UBN2: variants seen among roughly 807,000 people sequenced by gnomAD.
The protein encoded by UBN2 is ubinuclein 2.
Under a neutral mutation model 120.2 loss-of-function variants are expected in UBN2, and 35 were observed. The ratio of observed to expected loss-of-function variants is 0.29; its 90% CI spans 0.22 to 0.39. The LOEUF is 0.39. Among genes scored for constraint, UBN2 ranks in the 10% least tolerant of loss-of-function variants. The pLI, the probability that UBN2 is intolerant of heterozygous loss-of-function variation, is 1.00. For missense variants in UBN2, 1,693 were observed against 1,663.2 expected, an observed-to-expected ratio of 1.02 and a Z score of -0.31; for synonymous variants, 661 against 648.7, an observed-to-expected ratio of 1.02 and a Z score of -0.29.
At chr7:139,237,151 T>TAATAAAC in intron 2 of UBN2, 54 bp downstream of exon 2, 2 of 1,348,322 alleles carry the variant, frequency 1.5e-6, no homozygotes, top group Non-Finnish European at 2.1e-6. Flanking sequence ...ACCTGTTTGC[T>TAATAAAC]TTCTGTGGCT....
chr7:139,284,780 T>A (rs1255941778), intron 15 of UBN2, among the ~76,000 whole-genome samples: 1 of 152,172 alleles, frequency 6.6e-6, no homozygotes, highest in Non-Finnish European at 1.5e-5. Flanking sequence ...ATGGATTTTT[T>A]TTTTTTAAGT....
chr7:139,246,534 T>A (rs750122991), intron 2 of UBN2, among the ~76,000 whole-genome samples: 10 of 152,242 alleles, frequency 6.6e-5, no homozygotes, highest in Non-Finnish European at 1.0e-4. Context: ...GCAGAAATTA[T>A]GAGAGACTTT....
At chr7:139,309,938 A>G (rs1365315183), downstream of UBN2, among the ~76,000 whole-genome samples, 1 of 152,230 alleles carries the variant, frequency 6.6e-6, no homozygotes, top group Non-Finnish European at 1.5e-5. Flanking sequence ...GAGTGGTGGT[A>G]TCAGTACTTT....
In UBN2 at chr7:139,231,658, C is replaced by T. The variant is rs548466365; in HGVS notation, c.174C>T (p.Ala58=). The T allele has an allele frequency of 2.2e-5, 26 of 1,201,540 alleles. No homozygotes were observed. In the South Asian group the frequency reaches 8.4e-4, roughly 39 times the overall value. The allele number at this position is 1,201,540 out of a possible 1,614,324, so 74.4% of individuals were successfully genotyped here. A position where few individuals can be genotyped will look rare whatever the true frequency, so the allele number is the denominator to read the frequency against. The change falls in exon 1 of 18, where the codon GCC becomes GCT. Residue 58 remains alanine (A), a synonymous_variant. Coordinates refer to ENST00000473989, the MANE Select transcript of UBN2 (RefSeq NM_173569.4). The stretch of plus-strand genomic sequence containing the variant: ...AGCCGCCGGCCCCGCGGGAGCCTGC[C>T]CCCCGCTCGGACGCGCAGCCCCCGT... ...RAEPPAPREP[A]PRSDAQPPSR... is the part of the protein sequence containing the mutation.
chr7:139,278,319 C>A (rs766380126), intron 12 of UBN2, among the ~76,000 whole-genome samples: 1 of 151,770 alleles, frequency 6.6e-6, no homozygotes, highest in Non-Finnish European at 1.5e-5. Flanking sequence ...GTAGCTGGGA[C>A]TACAGGCGTG....
chr7:139,262,234 G>T (rs1349490539), intron 6 of UBN2, among the ~76,000 whole-genome samples: 1 of 151,592 alleles, frequency 6.6e-6, no homozygotes, highest in South Asian at 2.1e-4. Flanking sequence ...CAAATATCTG[G>T]GATTACAGGT....
rs1798196951 is a variant in UBN2, at chr7:139,299,257, A to G, written c.*1421A>G. On this transcript the variant is annotated 3_prime_UTR_variant, in exon 18 of 18. Transcript: ENST00000473989. ...CATACTATATCAGAGAATGGTGTAA[A>G]CTCTAAATGGTATAAGCTTCATCCA... The G allele has an allele frequency of 6.6e-6, 1 of 152,126 alleles. No homozygotes were observed. The highest frequency in any genetic ancestry group is 1.5e-5 in the Non-Finnish European group (1 of 67,996). 9.4% of individuals were successfully genotyped at this position (152,126 alleles called of 1,614,324 possible).
intron 6 of UBN2, among the ~76,000 whole-genome samples, chr7:139,263,473 T>TA (rs1425449008): frequency 6.6e-6 from 1 of 152,090 alleles, no homozygotes. Flanking sequence ...CCAGCATTTT[T>TA]AAAAAATGAA....
At chr7:139,259,068 A>T (rs1407009031) in intron 4 of UBN2, among the ~76,000 whole-genome samples, 199 bp from the exon 5 acceptor site, 1 of 152,182 alleles carries the variant, frequency 6.6e-6, no homozygotes, top group Non-Finnish European at 1.5e-5. Context: ...TTAAAATGCA[A>T]ATTATAAGGT....
At chr7:139,311,980 T>C (rs1246792593), downstream of UBN2, among the ~76,000 whole-genome samples, 1 of 152,228 alleles carries the variant, frequency 6.6e-6, no homozygotes, top group Non-Finnish European at 1.5e-5. Context: ...TCAGTCTCTC[T>C]TTCTATAGTC....
chr7:139,258,449 A>G, intron 3 of UBN2, 39 bp from the exon 4 acceptor site: 2 of 1,493,680 alleles, frequency 1.3e-6, no homozygotes, highest in Non-Finnish European at 1.8e-6. Context: ...AGTTAAAGAC[A>G]ACAGGATATA....
At chr7:139,255,240 T>TA (rs1166627408) in intron 3 of UBN2, among the ~76,000 whole-genome samples, 1 of 152,212 alleles carries the variant, frequency 6.6e-6, no homozygotes, top group Non-Finnish European at 1.5e-5. Flanking sequence ...TATCTCCTTT[T>TA]ATAGCATTTA....
At chr7:139,329,357 A>G in the UBN2 span, among the ~76,000 whole-genome samples, 1 of 151,572 alleles carries the variant, frequency 6.6e-6, no homozygotes. Flanking sequence ...ATCTGCTGAG[A>G]CAGCAGTTCT....
chr7:139,272,710 A>G (rs988511675), intron 9 of UBN2, among the ~76,000 whole-genome samples: 6 of 152,064 alleles, frequency 3.9e-5, no homozygotes, highest in African/African-American at 1.4e-4. Context: ...TATTTTTAGT[A>G]GAGACAGGGT....
intron 2 of UBN2, among the ~76,000 whole-genome samples, chr7:139,245,448 A>G (rs947506238): frequency 2.4e-4 from 37 of 152,190 alleles, no homozygotes; most frequent in African/African-American, 7.5e-4. Flanking sequence ...ATACTTATTT[A>G]ACAATACTAA....
intron 8 of UBN2, among the ~76,000 whole-genome samples, chr7:139,270,454 A>T (rs1797239143): frequency 6.6e-6 from 1 of 151,936 alleles, no homozygotes; most frequent in Non-Finnish European, 1.5e-5. Flanking sequence ...TTTAGTAAAG[A>T]TGGGGTTTCT....
At chr7:139,260,109 T>C (rs556015632) in intron 5 of UBN2, among the ~76,000 whole-genome samples, 38 of 150,696 alleles carry the variant, frequency 2.5e-4, no homozygotes, top group Non-Finnish European at 4.6e-4. Context: ...TTTTTTTTTT[T>C]TCTCTTTTAG....
In UBN2 at chr7:139,253,390, G is replaced by A. The variant is rs10251288; in HGVS notation, c.663+1333G>A. The stretch of plus-strand genomic sequence containing the variant: ...TGGTCAAAGGGCATTTATTTGCATC[G>A]TGATTTTTATTGATATTCCCAAACT... On this transcript the variant is annotated intron_variant, in intron 3 of 17. Transcript: ENST00000473989. 9.4e-3 allele frequency among the ~76,000 whole-genome samples: 1,433 copies of A among 152,280 alleles called. 24 individuals are homozygous for A. The highest frequency in any genetic ancestry group is 0.032 in the African/African-American group (1,343 of 41,548).
chr7:139,240,455 T>TA (rs367875599), intron 2 of UBN2, among the ~76,000 whole-genome samples: 20,675 of 61,946 alleles, frequency 0.33, 1,587 homozygotes, highest in Middle Eastern at 0.52. Flanking sequence ...TATATATATA[T>TA]TTTTTTTTTT....
Sources: gnomAD v4.1 joint callset for allele counts (sites outside exome capture counted in the v4.1 genomes callset) on GRCh38, gnomAD v4.1.1 for gene constraint, MANE v1.5 for transcripts, NCBI Gene and HGNC (gene_info 2026-07-23, HGNC 2026-07-21) for gene names.